SLC44A5: variants seen among roughly 807,000 people sequenced by gnomAD.
The protein encoded by SLC44A5 is solute carrier family 44 member 5.
A neutral mutation model predicts 101.8 loss-of-function variants in SLC44A5; 57 were observed. The ratio of observed to expected loss-of-function variants is 0.56; its 90% CI spans 0.45 to 0.70. The LOEUF is 0.70. Among genes scored for constraint, SLC44A5 ranks in the 30% least tolerant of loss-of-function variants. The probability of loss-of-function intolerance (pLI) is 0.00; values close to 1 mark genes in which losing one functional copy is unlikely to be tolerated. For missense variants in SLC44A5, 737 were observed against 853.1 expected (o/e 0.86, Z 1.70); for synonymous variants, 281 against 290.9 (o/e 0.97, Z 0.35).
intron 14 of SLC44A5, 93 bp from the exon 15 acceptor site, chr1:75,219,985 A>T: frequency 7.4e-6 from 5 of 676,206 alleles, no homozygotes; most frequent in South Asian, 2.6e-5. Context: ...ATAACCACGG[A>T]CTCTTTTTTG....
intron 3 of SLC44A5, among the ~76,000 whole-genome samples, chr1:75,385,492 C>T (rs1309663700): frequency 6.6e-6 from 1 of 152,040 alleles, no homozygotes; most frequent in South Asian, 2.1e-4. Flanking sequence ...CATACACTCT[C>T]CCAAGACTAA....
chr1:75,589,085 C>T (rs1053068867), intron 1 of SLC44A5, among the ~76,000 whole-genome samples: 17 of 152,294 alleles, frequency 1.1e-4, no homozygotes, highest in South Asian at 1.0e-3. Flanking sequence ...TGCATTCACG[C>T]GCACCCTCTC....
intron 2 of SLC44A5, among the ~76,000 whole-genome samples, chr1:75,398,203 G>T (rs984568552): frequency 2.0e-5 from 3 of 152,124 alleles, no homozygotes; most frequent in African/African-American, 7.2e-5. Context: ...CGAGGTTCAT[G>T]GTTATCTTAA....
intron 2 of SLC44A5, among the ~76,000 whole-genome samples, chr1:75,526,919 A>C (rs956543000): frequency 6.6e-6 from 1 of 152,078 alleles, no homozygotes; most frequent in Non-Finnish European, 1.5e-5. Flanking sequence ...GGATCACCTG[A>C]GGTCAGGAGT....
the SLC44A5 span, among the ~76,000 whole-genome samples, chr1:75,659,620 T>C: frequency 2.5e-5 from 2 of 78,920 alleles, no homozygotes; most frequent in African/African-American, 1.3e-4. Context: ...CAAGACCCCA[T>C]CTCTACCAAA....
At chr1:75,634,153 G>A in the SLC44A5 span, among the ~76,000 whole-genome samples, 6 of 152,148 alleles carry the variant, frequency 3.9e-5, no homozygotes, top group African/African-American at 1.4e-4. Flanking sequence ...TTGCATCAAT[G>A]TTCATCAAGG....
chr1:75,704,444 C>G, the SLC44A5 span, among the ~76,000 whole-genome samples: 8 of 152,178 alleles, frequency 5.3e-5, no homozygotes, highest in African/African-American at 1.9e-4. Context: ...TGCAAAATAC[C>G]GATACCTCAG....
At chr1:75,413,548 T>C (rs1036576106) in intron 2 of SLC44A5, among the ~76,000 whole-genome samples, 1 of 152,232 alleles carries the variant, frequency 6.6e-6, no homozygotes, top group Non-Finnish European at 1.5e-5. Context: ...TATTTATTTA[T>C]GACTGTCTAG....
At chr1:75,385,622 C>T (rs1446526088) in intron 3 of SLC44A5, among the ~76,000 whole-genome samples, 2 of 152,126 alleles carry the variant, frequency 1.3e-5, no homozygotes, top group African/African-American at 4.8e-5. Flanking sequence ...CAAATTCTAC[C>T]AGAGGTATAA....
chr1:75,302,112 G>GTTTTTTTT lies in SLC44A5; in HGVS notation c.102-1435_102-1428dup, dbSNP rs10684140. On this transcript the variant is annotated intron_variant, in intron 4 of 23. Coordinates refer to ENST00000370859, the MANE Select transcript of SLC44A5 (RefSeq NM_001130058.2). The stretch of plus-strand genomic sequence containing the variant: ...AGAAAGCAGGTGCTCTAGTTTTTTT[G>GTTTTTTTT]TTTTTTTTTTTTTTTTTTTTTTTTG... Among the ~76,000 whole-genome samples, 316 of 60,136 alleles carry GTTTTTTTT rather than the reference G, an allele frequency of 5.3e-3. 22 individuals carry two copies. The highest frequency in any genetic ancestry group is 0.013 in the African/African-American group (182 of 14,508). The allele number at this position is 60,136 out of a possible 152,430, so 39.5% of individuals were successfully genotyped here. A position where few individuals can be genotyped will look rare whatever the true frequency, so the allele number is the denominator to read the frequency against.
intron 2 of SLC44A5, among the ~76,000 whole-genome samples, chr1:75,490,603 T>G (rs1234715943): frequency 6.6e-6 from 1 of 152,226 alleles, no homozygotes; most frequent in Admixed American, 6.5e-5. Context: ...ACACTCTCAT[T>G]GTCTTTATCC....
At chr1:75,291,005 C>T (rs1653496299) in intron 5 of SLC44A5, among the ~76,000 whole-genome samples, 1 of 152,112 alleles carries the variant, frequency 6.6e-6, no homozygotes, top group Non-Finnish European at 1.5e-5. Flanking sequence ...ATCCTTAAAA[C>T]AGGTTTGCAG....
intron 3 of SLC44A5, among the ~76,000 whole-genome samples, chr1:75,391,818 G>T (rs1010673853): frequency 2.0e-5 from 3 of 152,114 alleles, no homozygotes; most frequent in African/African-American, 7.2e-5. Context: ...TCTTGGCAAA[G>T]AATTTAGAAC....
intron 3 of SLC44A5, among the ~76,000 whole-genome samples, chr1:75,341,618 T>C (rs1657888728): frequency 6.6e-6 from 1 of 151,994 alleles, no homozygotes; most frequent in Non-Finnish European, 1.5e-5. Context: ...TTCAACACTG[T>C]GTGGTAAGAG....
intron 2 of SLC44A5, among the ~76,000 whole-genome samples, chr1:75,469,302 G>T (rs1353611691): frequency 1.3e-5 from 2 of 152,138 alleles, no homozygotes; most frequent in Non-Finnish European, 2.9e-5. Context: ...TACCATCTTG[G>T]ACAGCACAGT....
intron 2 of SLC44A5, among the ~76,000 whole-genome samples, chr1:75,413,258 G>T (rs1663399839): frequency 6.6e-6 from 1 of 152,064 alleles, no homozygotes; most frequent in South Asian, 2.1e-4. Flanking sequence ...TCCACTTGGG[G>T]TCTTGGAATA....
chr1:75,399,987 G>C (rs904748254), intron 2 of SLC44A5, among the ~76,000 whole-genome samples: 1 of 152,148 alleles, frequency 6.6e-6, no homozygotes, highest in Non-Finnish European at 1.5e-5. Context: ...CACAACCATG[G>C]AATACTAAGC....
At chr1:75,668,612 ACACCCGGCCCTGGGAG>A in the SLC44A5 span, among the ~76,000 whole-genome samples, 1 of 150,818 alleles carries the variant, frequency 6.6e-6, no homozygotes, top group South Asian at 2.1e-4. Flanking sequence ...CTGAGCCACC[ACACCCGGCCCTGGGAG>A]CTTTTCAATA....
chr1:75,497,050 G>A (rs1041377862), intron 2 of SLC44A5, among the ~76,000 whole-genome samples: 1 of 152,066 alleles, frequency 6.6e-6, no homozygotes, highest in Non-Finnish European at 1.5e-5. Flanking sequence ...ATTTGATATA[G>A]TCATTATGGA....
Sources: gnomAD v4.1 joint callset for allele counts (sites outside exome capture counted in the v4.1 genomes callset) on GRCh38, gnomAD v4.1.1 for gene constraint, MANE v1.5 for transcripts, NCBI Gene and HGNC (gene_info 2026-07-23, HGNC 2026-07-21) for gene names.